ARHGEF28: variants seen among roughly 807,000 people sequenced by gnomAD.
ARHGEF28 encodes Rho guanine nucleotide exchange factor 28, also known as 190 kDa guanine nucleotide exchange factor.
A neutral mutation model predicts 206.6 loss-of-function variants in ARHGEF28; 152 were observed. That is an observed-to-expected ratio of 0.74 (90% CI 0.64 to 0.84). The LOEUF is 0.84. Among genes scored for constraint, ARHGEF28 ranks in the 40% least tolerant of loss-of-function variants. ARHGEF28 has a pLI of 0.00. For missense variants in ARHGEF28, 2,028 were observed against 2,073.2 expected, an observed-to-expected ratio of 0.98 and a Z score of 0.42; for synonymous variants, 763 against 776.4, an observed-to-expected ratio of 0.98 and a Z score of 0.29.
At chr5:73,854,974 G>A (rs563384549) in intron 14 of ARHGEF28, among the ~76,000 whole-genome samples, 5 of 152,234 alleles carry the variant, frequency 3.3e-5, no homozygotes, top group Non-Finnish European at 7.4e-5. Context: ...TGAAAAGGCA[G>A]TACCATTAAA....
chr5:73,785,395 C>T, intron 7 of ARHGEF28, among the ~76,000 whole-genome samples: 1 of 152,188 alleles, frequency 6.6e-6, no homozygotes, highest in East Asian at 1.9e-4. Flanking sequence ...CTCTGTGGCA[C>T]CTCCCTCTCT....
chr5:73,909,899 T>G lies in ARHGEF28; in HGVS notation c.4647+2T>G, dbSNP rs375974433. On this transcript the variant is annotated splice_donor_variant, in intron 34 of 35. Coordinates refer to ENST00000513042, the MANE Select transcript of ARHGEF28 (RefSeq NM_001177693.2). LOFTEE classifies it high-confidence loss of function. ...GTGCTCCTTCCGGGTGGCCCCGAGGTATGGACCTTCTGCGGTGCTGTGAGG... is the reference window on the plus strand; with the variant it reads ...GTGCTCCTTCCGGGTGGCCCCGAGGGATGGACCTTCTGCGGTGCTGTGAGG... 1 of 1,498,876 alleles carries G rather than the reference T, an allele frequency of 6.7e-7. No homozygotes were observed. 92.8% of individuals were successfully genotyped at this position (1,498,876 alleles called of 1,614,324 possible).
At chr5:73,723,349 A>G (rs772409225) in intron 2 of ARHGEF28, among the ~76,000 whole-genome samples, 2 of 152,126 alleles carry the variant, frequency 1.3e-5, no homozygotes, top group Non-Finnish European at 2.9e-5. Flanking sequence ...CACCACGCCC[A>G]GCTAATTTTT....
At chr5:73,689,208 C>T (rs1261488538) in intron 2 of ARHGEF28, among the ~76,000 whole-genome samples, 1 of 152,168 alleles carries the variant, frequency 6.6e-6, no homozygotes, top group Non-Finnish European at 1.5e-5. Context: ...GTCTTTGGCT[C>T]TGTCTCTTGT....
chr5:73,687,368 T>G (rs891654586), intron 2 of ARHGEF28, among the ~76,000 whole-genome samples: 10 of 129,824 alleles, frequency 7.7e-5, no homozygotes, highest in South Asian at 2.6e-4. Flanking sequence ...AGATAAAATA[T>G]ATGAAATATA....
chr5:73,889,775 C>A (rs2112680400), intron 26 of ARHGEF28, among the ~76,000 whole-genome samples: 1 of 152,288 alleles, frequency 6.6e-6, no homozygotes, highest in African/African-American at 2.4e-5. Flanking sequence ...AGCAATGAGA[C>A]AATAGAAAGT....
chr5:73,890,728 C>A (rs989089191), intron 26 of ARHGEF28, among the ~76,000 whole-genome samples: 1 of 152,190 alleles, frequency 6.6e-6, no homozygotes, highest in African/African-American at 2.4e-5. Context: ...GGAACAGTGG[C>A]ATGTTCTGGA....
Position 73,909,566 on chromosome 5 carries a change from A to G in ARHGEF28, c.4316A>G (p.Asn1439Ser), listed in dbSNP as rs564229246. Residue 1439 changes from asparagine to serine, a missense_variant, in exon 34 of 36, where the codon AAT becomes AGT. This residue lies in a region of ARHGEF28 where 803 missense variants were observed against 768.0 expected (regional missense o/e 1.05). Transcript: ENST00000513042. Reference sequence around the variant, plus strand: ...GACAGGCAGCATGAGGAGCTGGCCAATGTGCACCAGCTTCAGCACCAGCTC... The same window carrying G: ...GACAGGCAGCATGAGGAGCTGGCCAGTGTGCACCAGCTTCAGCACCAGCTC... ...DADRQHEELA[N>S]VHQLQHQLQQ... 2.5e-6 allele frequency: 4 copies of G among 1,570,734 alleles called. No homozygotes were observed. Among genetic ancestry groups the G allele is most frequent in the African/African-American group, 1.4e-5 (1 of 73,998 alleles).
chr5:73,899,945 G>T (rs1464065396), intron 30 of ARHGEF28: 1 of 152,254 alleles, frequency 6.6e-6, no homozygotes, highest in East Asian at 1.9e-4. Flanking sequence ...GTGAGAAACA[G>T]AGTGGTGAAT....
intron 7 of ARHGEF28, among the ~76,000 whole-genome samples, chr5:73,785,795 G>A (rs533987124): frequency 7.2e-5 from 11 of 152,132 alleles, no homozygotes; most frequent in Non-Finnish European, 1.5e-4. Flanking sequence ...CAAGGAAATA[G>A]GGATTGGAAC....
At chr5:73,760,754 G>T (rs373414558) in intron 4 of ARHGEF28, among the ~76,000 whole-genome samples, 14 of 152,112 alleles carry the variant, frequency 9.2e-5, no homozygotes, top group East Asian at 7.7e-4. Context: ...ATTTAATATA[G>T]AATTAAACTT....
intron 2 of ARHGEF28, among the ~76,000 whole-genome samples, chr5:73,720,878 C>T (rs1749897191): frequency 6.6e-6 from 1 of 152,184 alleles, no homozygotes; most frequent in East Asian, 1.9e-4. Flanking sequence ...ATTTTGCTGA[C>T]CACATTAGGA....
At chr5:73,739,860 TAAATAAAA>T (rs1245823877) in intron 2 of ARHGEF28, among the ~76,000 whole-genome samples, 4 of 115,724 alleles carry the variant, frequency 3.5e-5, no homozygotes, top group Admixed American at 3.4e-4. Flanking sequence ...AATAAATAAA[TAAATAAAA>T]ATAAAAAATA....
At chr5:73,813,817 A>AC (rs1312571198) in intron 9 of ARHGEF28, 1 of 815,984 alleles carries the variant, frequency 1.2e-6, no homozygotes, top group African/African-American at 1.7e-5. Context: ...ACAGATACAT[A>AC]TAGGTTTCTG....
intron 22 of ARHGEF28, among the ~76,000 whole-genome samples, chr5:73,874,443 G>A (rs967147322): frequency 6.6e-6 from 1 of 150,456 alleles, no homozygotes; most frequent in African/African-American, 2.5e-5. Context: ...TAAGTTTTAG[G>A]GTACATGTGC....
intron 1 of ARHGEF28, among the ~76,000 whole-genome samples, chr5:73,665,227 A>G (rs1270858009): frequency 6.6e-6 from 1 of 152,160 alleles, no homozygotes; most frequent in African/African-American, 2.4e-5. Flanking sequence ...TTAAAAATCC[A>G]CTTACTGGCT....
intron 35 of ARHGEF28, among the ~76,000 whole-genome samples, chr5:73,926,427 C>T (rs1763812370): frequency 1.3e-5 from 2 of 152,180 alleles, no homozygotes; most frequent in Admixed American, 1.3e-4. Context: ...TAGCTGAGCT[C>T]ACCTCCTGCA....
chr5:73,862,372 G>A (rs72772546), intron 16 of ARHGEF28, among the ~76,000 whole-genome samples: 5,607 of 152,072 alleles, frequency 0.037, 172 homozygotes, highest in Non-Finnish European at 0.052. Context: ...TTGTGTTTTC[G>A]ATTTGAGGTG....
chr5:73,705,080 AT>A, intron 2 of ARHGEF28, among the ~76,000 whole-genome samples: 1 of 152,326 alleles, frequency 6.6e-6, no homozygotes, highest in East Asian at 1.9e-4. Flanking sequence ...GTATTTAGAC[AT>A]TTTAGAACTA....
Sources: allele counts gnomAD v4.1 joint callset (sites outside exome capture counted in the v4.1 genomes callset), GRCh38; gene constraint gnomAD v4.1.1; regional missense constraint gnomAD v4.1.1; transcripts MANE v1.5; gene names NCBI Gene and HGNC (gene_info 2026-07-23, HGNC 2026-07-21).